The following GALNT12 variants were observed in gnomAD, a reference collection of about 807,000 sequenced individuals.
The protein encoded by GALNT12 is polypeptide N-acetylgalactosaminyltransferase 12.
A neutral mutation model predicts 55.5 loss-of-function variants in GALNT12; 45 were observed. The ratio of observed to expected loss-of-function variants is 0.81; its 90% CI spans 0.64 to 1.04. The LOEUF is 1.04. GALNT12 is among the 50% of genes least tolerant of loss of function. The probability of loss-of-function intolerance (pLI) is 0.00; values close to 1 mark genes in which losing one functional copy is unlikely to be tolerated. For missense variants in GALNT12, 709 were observed against 754.8 expected (o/e 0.94, Z 0.71); for synonymous variants, 304 against 312.2 (o/e 0.97, Z 0.28).
chr9:98,826,867 G>T lies in GALNT12; in HGVS notation c.657G>T (p.Ala219=), dbSNP rs376494512. 6.2e-7 allele frequency: 1 copy of T among 1,600,284 alleles called. No individual in the cohort carries two copies. The change falls in exon 3 of 10, where the codon GCG becomes GCT. Residue 219 remains alanine (A), a synonymous_variant. Coordinates refer to ENST00000375011, the MANE Select transcript of GALNT12 (RefSeq NM_024642.5). ...VRARLLGASA[A]RGDVLTFLDC... is the part of the protein sequence containing the mutation. ...CCCGGCTGCTGGGGGCGTCTGCGGC[G>T]AGGGGCGATGTTCTGACCTTCCTGG...
intron 4 of GALNT12, 115 bp from the exon 5 acceptor site, chr9:98,835,133 GA>G: frequency 1.2e-6 from 1 of 810,322 alleles, no homozygotes; most frequent in South Asian, 1.4e-5. Context: ...GTGAAGGCGG[GA>G]TATGCTTAGA....
intron 5 of GALNT12, among the ~76,000 whole-genome samples, chr9:98,835,575 C>G (rs1336019334): frequency 6.6e-6 from 1 of 152,168 alleles, no homozygotes; most frequent in Non-Finnish European, 1.5e-5. Flanking sequence ...ATAGTTCTCT[C>G]TCACTCTATG....
chr9:98,832,858 A>G (rs962316795), intron 4 of GALNT12, among the ~76,000 whole-genome samples: 4 of 152,112 alleles, frequency 2.6e-5, no homozygotes, highest in African/African-American at 9.7e-5. Flanking sequence ...TTGTTTATCC[A>G]TTCTTCTGTT....
chr9:98,811,683 CTT>C (rs34942139), intron 1 of GALNT12, among the ~76,000 whole-genome samples: 20 of 132,000 alleles, frequency 1.5e-4, no homozygotes, highest in Admixed American at 1.6e-4. Context: ...CGAAGTCGTT[CTT>C]TTTTTTTTTT....
intron 7 of GALNT12, among the ~76,000 whole-genome samples, chr9:98,841,673 T>A (rs1200859717): frequency 7.1e-5 from 10 of 140,896 alleles, no homozygotes. Flanking sequence ...CGACAAATTC[T>A]TTTTTTTTTT....
At chr9:98,826,136 G>A (rs1835851648) in intron 2 of GALNT12, among the ~76,000 whole-genome samples, 1 of 152,278 alleles carries the variant, frequency 6.6e-6, no homozygotes, top group Admixed American at 6.5e-5. Flanking sequence ...CCTTGGGCAA[G>A]TTACTTAGCC....
chr9:98,815,315 C>G (rs1835587019), intron 1 of GALNT12, among the ~76,000 whole-genome samples: 1 of 152,152 alleles, frequency 6.6e-6, no homozygotes, highest in African/African-American at 2.4e-5. Context: ...CTTTATTATA[C>G]AGTAGATTTG....
intron 8 of GALNT12, among the ~76,000 whole-genome samples, chr9:98,845,143 G>A (rs1210262470): frequency 6.6e-6 from 1 of 152,096 alleles, no homozygotes; most frequent in Non-Finnish European, 1.5e-5. Context: ...TGGTACCTGA[G>A]TGCTACCATC....
Position 98,849,193 on chromosome 9 carries a change from G to A in GALNT12, c.*101G>A. ...GTGACCAGAACCCACCAAAAACTAG[G>A]CTGCATTGCTTTGAAGAGGCAATCA... On this transcript the variant is annotated 3_prime_UTR_variant, in exon 10 of 10. Coordinates refer to ENST00000375011, the MANE Select transcript of GALNT12 (RefSeq NM_024642.5). 3 of 1,223,850 alleles carry A rather than the reference G, an allele frequency of 2.5e-6. No homozygotes were observed. The highest frequency in any genetic ancestry group is 2.5e-5 in the South Asian group (2 of 80,214). 75.8% of individuals were successfully genotyped at this position (1,223,850 alleles called of 1,614,324 possible). A position where few individuals can be genotyped will look rare whatever the true frequency, so the allele number is the denominator to read the frequency against.
chr9:98,826,676 A>G, intron 2 of GALNT12, 76 bp from the exon 3 acceptor site: 1 of 1,444,998 alleles, frequency 6.9e-7, no homozygotes, highest in Non-Finnish European at 9.5e-7. Flanking sequence ...AGGGAGGCCC[A>G]GAAGGCCCCG....
intron 1 of GALNT12, among the ~76,000 whole-genome samples, chr9:98,809,812 T>C (rs1478680228): frequency 1.3e-5 from 2 of 152,196 alleles, no homozygotes; most frequent in African/African-American, 4.8e-5. Flanking sequence ...AATATCTCTT[T>C]GAAACACTGT....
intron 6 of GALNT12, among the ~76,000 whole-genome samples, chr9:98,838,984 C>G (rs1443413240): frequency 2.0e-5 from 3 of 152,186 alleles, no homozygotes; most frequent in Non-Finnish European, 4.4e-5. Context: ...GGGTTCTCAG[C>G]TGGACTCCCA....
At chr9:98,846,927 A>G (rs1180818572) in intron 9 of GALNT12, among the ~76,000 whole-genome samples, 1 of 152,142 alleles carries the variant, frequency 6.6e-6, no homozygotes, top group Non-Finnish European at 1.5e-5. Context: ...ATAGCCAGAA[A>G]TATTCTTTGG....
At chr9:98,839,892 A>C in intron 6 of GALNT12, 110 bp from the exon 7 acceptor site, 1 of 1,362,652 alleles carries the variant, frequency 7.3e-7, no homozygotes, top group Non-Finnish European at 1.0e-6. Context: ...CATGCGACGA[A>C]TGCTCCATCA....
At chr9:98,823,024 T>G (rs925623749) in intron 1 of GALNT12, among the ~76,000 whole-genome samples, 2 of 152,184 alleles carry the variant, frequency 1.3e-5, no homozygotes, top group Admixed American at 1.3e-4. Context: ...ATCAAAAAGT[T>G]GCTTGACAGC....
Position 98,807,940 on chromosome 9 carries a change from C to A in GALNT12, c.242C>A (p.Ala81Glu). 1 of 1,368,038 alleles carries A rather than the reference C, an allele frequency of 7.3e-7. No individual in the cohort carries two copies. The allele number at this position is 1,368,038 out of a possible 1,614,324, so 84.7% of individuals were successfully genotyped here. ...AACGCGCTGGGCGCGCGGGGCGAGG[C>A]GGTGCGGCTGCAGCTGCAGGGCGAG... ...PANALGARGEAVRLQLQGEEL... is the reference protein window; with the variant it reads ...PANALGARGEEVRLQLQGEEL... The change falls in exon 1 of 10, where the codon GCG (alanine) becomes GAG (glutamate). Residue 81 changes from alanine to glutamate, a missense_variant. Ala to Glu is a moderately radical substitution (Grantham distance 107, BLOSUM62 -1). This residue lies in a region of GALNT12 where 5 missense variants were observed against 20.1 expected (regional missense o/e 0.25). Coordinates refer to ENST00000375011, the MANE Select transcript of GALNT12 (RefSeq NM_024642.5).
At chr9:98,832,727 A>G (rs533830757) in intron 4 of GALNT12, among the ~76,000 whole-genome samples, 1 of 152,266 alleles carries the variant, frequency 6.6e-6, no homozygotes, top group African/African-American at 2.4e-5. Flanking sequence ...GAGTGGAATC[A>G]TACAATATTT....
intron 1 of GALNT12, among the ~76,000 whole-genome samples, chr9:98,812,766 A>G (rs1039318952): frequency 6.6e-6 from 1 of 151,992 alleles, no homozygotes; most frequent in Non-Finnish European, 1.5e-5. Context: ...TTTTGAGTCG[A>G]TAGAGGCTTT....
In GALNT12 at chr9:98,840,142, G is replaced by A. The variant is rs1222475012; in HGVS notation, c.1344+9G>A. On this transcript the variant is annotated intron_variant, in intron 7 of 9. Transcript: ENST00000375011. ...CTGGCTTCTTCGGGATGGTGAGTGA[G>A]GGTGGTGGGCCCACGGCAGGCAGGG... 9 of 1,612,848 alleles carry A rather than the reference G, an allele frequency of 5.6e-6. No homozygotes were observed. Among genetic ancestry groups the A allele is most frequent in the Middle Eastern group, 1.9e-4 (1 of 5,272 alleles).
Sources: allele counts gnomAD v4.1 joint callset (sites outside exome capture counted in the v4.1 genomes callset), GRCh38; gene constraint gnomAD v4.1.1; regional missense constraint gnomAD v4.1.1; transcripts MANE v1.5; gene names NCBI Gene and HGNC (gene_info 2026-07-23, HGNC 2026-07-21).